The following AMZ1 variants were observed in gnomAD, a reference collection of about 807,000 sequenced individuals.
The protein encoded by AMZ1 is archaelysin family metallopeptidase 1.
Under a neutral mutation model 29.9 loss-of-function variants are expected in AMZ1, and 39 were observed. The ratio of observed to expected loss-of-function variants is 1.30; its 90% CI spans 1.01 to 1.70. AMZ1 has a LOEUF of 1.70. Among genes scored for constraint, AMZ1 ranks in the 40% most tolerant of loss-of-function variants. The pLI is 0.00. For missense variants in AMZ1, 1,041 were observed against 680.6 expected (o/e 1.53, Z -5.89); for synonymous variants, 458 against 304.0 (o/e 1.51, Z -5.27).
chr7:2,703,128 CAGG>C (rs1186681533), intron 3 of AMZ1, among the ~76,000 whole-genome samples: 2 of 152,142 alleles, frequency 1.3e-5, no homozygotes, highest in African/African-American at 2.4e-5. Context: ...GCATGCAGAG[CAGG>C]AGAAGCGAGC....
upstream of AMZ1, among the ~76,000 whole-genome samples, chr7:2,683,316 G>GCCTCTT (rs1446143548): frequency 1.3e-5 from 2 of 152,290 alleles, no homozygotes; most frequent in East Asian, 3.9e-4. Context: ...GGTCCTTCCT[G>GCCTCTT]CCTCTTCCTG....
At position 2,697,367 on chromosome 7, in the gene AMZ1, G is replaced by A. The variant is rs563937613; in HGVS notation, c.-218-2867G>A. On this transcript the variant is annotated intron_variant, in intron 1 of 6. Transcript: ENST00000683327. ...CAGCCTCGGCCTCCCAAAGTGCTGG[G>A]ATTACAGGCGTGAGCTGCTGCGCCC... 7.0e-4 allele frequency among the ~76,000 whole-genome samples: 107 copies of A among 152,194 alleles called. 1 individual carries two copies. Among genetic ancestry groups the A allele is most frequent in the Non-Finnish European group, 1.3e-3 (87 of 68,000 alleles).
chr7:2,723,967 C>T (rs887544905), downstream of AMZ1, among the ~76,000 whole-genome samples: 9 of 152,112 alleles, frequency 5.9e-5, no homozygotes, highest in African/African-American at 2.2e-4. Flanking sequence ...AGTGCAGTGG[C>T]GTCATCTCAG....
chr7:2,743,954 C>T lies in AMZ1; in HGVS notation n.551-20758C>T, dbSNP rs547013412. ...AGCAGTCTGAGATCAAACTGCAAGG[C>T]AGCAGCGAGGCTGGGGGAGGGGTAC... is the stretch of plus-strand genomic sequence containing the variant. On this transcript the variant is annotated intron_variant and non_coding_transcript_variant, in intron 4 of 4. Transcript: ENST00000489665. Among the ~76,000 whole-genome samples the T allele has an allele frequency of 4.6e-5, 7 of 152,242 alleles. No homozygotes were observed. The South Asian group carries it at 1.5e-3, about 32-fold the overall frequency.
chr7:2,731,519 G>A lies in AMZ1; in HGVS notation n.550+21703G>A, dbSNP rs748067229. On this transcript the variant is annotated intron_variant and non_coding_transcript_variant, in intron 4 of 4. Transcript: ENST00000489665. The surrounding 1 kb of genome is among the most constrained non-coding windows in gnomAD (Gnocchi z 6.0). ...TCGAAGATGTTCATGGACTCCACCA[G>A]CCGGTTGGTGCGCCTGTCCTCCATG... 6.2e-7 allele frequency: 1 copy of A among 1,612,700 alleles called. No homozygotes were observed. Among genetic ancestry groups the A allele is most frequent in the Non-Finnish European group, 8.5e-7 (1 of 1,179,038 alleles).
chr7:2,700,649 G>T lies in AMZ1; in HGVS notation c.198G>T (p.Trp66Cys), dbSNP rs541662977. The part of the protein sequence containing the change: ...CTLLIRTGFD[W>C]LLSRPEAPED... ...TGCTCATCCGCACGGGCTTCGACTG[G>T]CTCCTGAGCCGACCCGAGGCTCCCG... The change falls in exon 2 of 7, where the codon TGG (tryptophan) becomes TGT (cysteine). Residue 66 changes from tryptophan to cysteine, a missense_variant. Transcript: ENST00000683327. The T allele has an allele frequency of 1.2e-6, 2 of 1,611,928 alleles. No individual in the cohort carries two copies. The highest frequency in any genetic ancestry group is 2.7e-5 in the African/African-American group (2 of 74,914).
At position 2,719,608 on chromosome 7, in the gene AMZ1, A is replaced by G. The variant is rs186574842; in HGVS notation, c.*6730A>G. 9.1e-4 allele frequency among the ~76,000 whole-genome samples: 138 copies of G among 152,300 alleles called. No individual in the cohort carries two copies. Among genetic ancestry groups the G allele is most frequent in the African/African-American group, 3.2e-3 (134 of 41,548 alleles). ...TGGACGACTTTGATATACAAAATAA[A>G]TTGTTACTCAGCTTTTCTATAATGC... is the stretch of plus-strand genomic sequence containing the variant. On this transcript the variant is annotated 3_prime_UTR_variant, in exon 7 of 7. Coordinates refer to ENST00000683327, the MANE Select transcript of AMZ1 (RefSeq NM_001384743.1).
chr7:2,741,765 T>C (rs1790517936), intron 4 of AMZ1, among the ~76,000 whole-genome samples: 1 of 151,650 alleles, frequency 6.6e-6, no homozygotes, highest in Non-Finnish European at 1.5e-5. Context: ...AGAGGGTATG[T>C]CCTAAGAATG....
At position 2,700,515 on chromosome 7, in the gene AMZ1, G is replaced by T. The variant is rs1787986813; in HGVS notation, c.64G>T (p.Val22Phe). 2 of 1,607,166 alleles carry T rather than the reference G, an allele frequency of 1.2e-6. No individual in the cohort carries two copies. The highest frequency in any genetic ancestry group is 1.7e-6 in the Non-Finnish European group (2 of 1,179,908). ...FGPRALKDAL[V>F]STDAALQQLY... ...GCCCCGGGCCTTGAAGGACGCTCTGGTCTCCACTGACGCAGCCCTGCAGCA... is the reference window on the plus strand; with the variant it reads ...GCCCCGGGCCTTGAAGGACGCTCTGTTCTCCACTGACGCAGCCCTGCAGCA... The change falls in exon 2 of 7, where the codon GTC becomes TTC. Residue 22 changes from valine (V) to phenylalanine (F), a missense_variant. Transcript: ENST00000683327.
intron 4 of AMZ1, among the ~76,000 whole-genome samples, chr7:2,738,771 C>T (rs1189322236): frequency 6.6e-6 from 1 of 152,096 alleles, no homozygotes; most frequent in South Asian, 2.1e-4. Context: ...AGCAAATGAA[C>T]CCAATAGGAC....
chr7:2,709,841 G>T, intron 6 of AMZ1, 25 bp downstream of exon 6: 1 of 1,608,466 alleles, frequency 6.2e-7, no homozygotes, highest in Non-Finnish European at 8.5e-7. Flanking sequence ...TGCGCTGCCC[G>T]GCTGCTGGGA....
chr7:2,704,049 C>T (rs1242724103), intron 3 of AMZ1, among the ~76,000 whole-genome samples: 6 of 152,316 alleles, frequency 3.9e-5, no homozygotes, highest in East Asian at 1.9e-4. Context: ...CCACCATGCC[C>T]AGCTAATTTT....
chr7:2,714,405 C>T lies in AMZ1; in HGVS notation c.*1527C>T, dbSNP rs1188578906. 6.6e-6 allele frequency: 1 copy of T among 152,354 alleles called. No homozygotes were observed. The highest frequency in any genetic ancestry group is 1.5e-5 in the Non-Finnish European group (1 of 68,054). 9.4% of individuals were successfully genotyped at this position (152,354 alleles called of 1,614,324 possible). Reference sequence around the variant, plus strand: ...CGGTCCTGGTCCCACTCCGTGTTGACTTCAGAGAAGCAAAGATGCAGCTCA... The same window carrying T: ...CGGTCCTGGTCCCACTCCGTGTTGATTTCAGAGAAGCAAAGATGCAGCTCA... On this transcript the variant is annotated 3_prime_UTR_variant, in exon 7 of 7. Coordinates refer to ENST00000683327, the MANE Select transcript of AMZ1 (RefSeq NM_001384743.1).
At chr7:2,744,804 C>T (rs1399439293) in intron 4 of AMZ1, among the ~76,000 whole-genome samples, 1 of 152,034 alleles carries the variant, frequency 6.6e-6, no homozygotes, top group Non-Finnish European at 1.5e-5. Context: ...CTAGAATAAC[C>T]AATGCAGAGA....
Position 2,700,550 on chromosome 7 carries a change from G to A in AMZ1, c.99G>A (p.Val33=), listed in dbSNP as rs1417527946. Residue 33 remains valine, a synonymous_variant, in exon 2 of 7, where the codon GTG becomes GTA. Coordinates refer to ENST00000683327, the MANE Select transcript of AMZ1 (RefSeq NM_001384743.1). Reference sequence around the variant, plus strand: ...ACGCAGCCCTGCAGCAGCTGTATGTGTCCGCCTTCTCCCCTGCCGAGCGGC... The same window carrying A: ...ACGCAGCCCTGCAGCAGCTGTATGTATCCGCCTTCTCCCCTGCCGAGCGGC... ...STDAALQQLY[V]SAFSPAERLF... 2 of 1,609,506 alleles carry A rather than the reference G, an allele frequency of 1.2e-6. No individual in the cohort carries two copies. The highest frequency in any genetic ancestry group is 1.7e-6 in the Non-Finnish European group (2 of 1,179,932).
chr7:2,688,359 C>T (rs1480588475), intron 1 of AMZ1, 63 bp downstream of exon 1: 6 of 142,286 alleles, frequency 4.2e-5, no homozygotes, highest in Non-Finnish European at 6.2e-5. Context: ...CGTGCCGGGG[C>T]GGGTGGGTAG....
At chr7:2,739,530 T>C (rs1054399040) in intron 4 of AMZ1, among the ~76,000 whole-genome samples, 1 of 152,228 alleles carries the variant, frequency 6.6e-6, no homozygotes, top group African/African-American at 2.4e-5. Flanking sequence ...GGTTTGTTTT[T>C]CCATTTGTCA....
chr7:2,707,416 A>G lies in AMZ1; in HGVS notation c.473-1172A>G, dbSNP rs146194239. On this transcript the variant is annotated intron_variant, in intron 3 of 6. Transcript: ENST00000683327. ...CCCTCTTCTCTACACTAACTCTGAG[A>G]CCCTCTCCGGGTTTCCTGGGCCCGT... is the stretch of plus-strand genomic sequence containing the variant. Among the ~76,000 whole-genome samples the G allele has an allele frequency of 4.6e-3, 695 of 151,934 alleles. 7 individuals are homozygous for G. Among genetic ancestry groups the G allele is most frequent in the African/African-American group, 0.016 (663 of 41,422 alleles).
At chr7:2,688,765 G>A (rs1018543045) in intron 1 of AMZ1, among the ~76,000 whole-genome samples, 1 of 152,186 alleles carries the variant, frequency 6.6e-6, no homozygotes, top group Non-Finnish European at 1.5e-5. Context: ...CCCGCAGCCT[G>A]TGTATGAGCC....
Sources: allele counts gnomAD v4.1 joint callset (sites outside exome capture counted in the v4.1 genomes callset), GRCh38; gene constraint gnomAD v4.1.1; non-coding constraint Gnocchi (gnomAD v3.1); transcripts MANE v1.5; gene names NCBI Gene and HGNC (gene_info 2026-07-23, HGNC 2026-07-21).